Variants in INSL6 observed in about 807,000 individuals in gnomAD.
INSL6 encodes the protein insulin-like peptide INSL6.
In INSL6, 16 loss-of-function variants were observed where a neutral mutation model predicts 9.4. The ratio of observed to expected loss-of-function variants is 1.70; its 90% CI spans 1.15 to 2.59. The LOEUF (loss-of-function observed/expected upper bound fraction) is 2.59. Among genes scored for constraint, INSL6 ranks in the 30% most tolerant of loss-of-function variants. The pLI is 0.00. For missense variants in INSL6, 391 were observed against 257.3 expected (o/e 1.52, Z -3.56); for synonymous variants, 154 against 96.9 (o/e 1.59, Z -3.46).
At chr9:5,110,992 C>T in the INSL6 span, 2 of 664,730 alleles carry the variant, frequency 3.0e-6, no homozygotes, top group Non-Finnish European at 5.4e-6. Context: ...GATGTTCCCG[C>T]TGCCCGTTGC....
At chr9:5,097,381 G>GT in the INSL6 span, 1 of 152,082 alleles carries the variant, frequency 6.6e-6, no homozygotes, top group African/African-American at 2.4e-5. Flanking sequence ...TCACCCTGAA[G>GT]TTTATATCCT....
the INSL6 span, among the ~76,000 whole-genome samples, chr9:5,071,404 T>C: frequency 6.6e-6 from 1 of 152,028 alleles, no homozygotes; most frequent in African/African-American, 2.4e-5. Context: ...AAAATACATA[T>C]ACATGTTTAA....
chr9:5,041,890 G>GC, the INSL6 span: 1 of 419,970 alleles, frequency 2.4e-6, no homozygotes, highest in African/African-American at 2.1e-5. Context: ...GCCCATCAGG[G>GC]CGCCTGCAGA....
At chr9:5,184,175 G>A (rs1369629286) in intron 1 of INSL6, among the ~76,000 whole-genome samples, 1 of 152,152 alleles carries the variant, frequency 6.6e-6, no homozygotes, top group Non-Finnish European at 1.5e-5. Context: ...GCTAATGAGT[G>A]CCTACAATGT....
chr9:5,082,916 G>C, the INSL6 span, among the ~76,000 whole-genome samples: 3 of 152,246 alleles, frequency 2.0e-5, no homozygotes, highest in African/African-American at 7.2e-5. Flanking sequence ...AATTGTTCAG[G>C]GTACAGATCA....
chr9:5,108,727 T>C, the INSL6 span: 7 of 152,148 alleles, frequency 4.6e-5, no homozygotes, highest in South Asian at 1.5e-3. Context: ...CTATGAGGGA[T>C]AGTTATGACA....
intron 3 of INSL6, chr9:5,128,320 T>C (rs1199201983): frequency 1.3e-5 from 3 of 222,618 alleles, no homozygotes; most frequent in Non-Finnish European, 2.7e-5. Flanking sequence ...TTAATAGTTC[T>C]GGATGCAGAA....
chr9:5,006,264 C>T, the INSL6 span, among the ~76,000 whole-genome samples: 117 of 148,260 alleles, frequency 7.9e-4, no homozygotes, highest in Non-Finnish European at 1.3e-3. Flanking sequence ...CAATTGTGAA[C>T]GGGAGTTCAC....
chr9:5,129,823 C>G lies in INSL6; in HGVS notation c.*10+3602G>C, dbSNP rs76617747. Among the ~76,000 whole-genome samples, 352 of 152,228 alleles carry G rather than the reference C, an allele frequency of 2.3e-3. 3 individuals are homozygous for G. The highest frequency in any genetic ancestry group is 7.9e-3 in the African/African-American group (329 of 41,562). On this transcript the variant is annotated intron_variant, in intron 3 of 3. Coordinates refer to the INSL6 transcript ENST00000649639. ...AATTCATGTATGTATATCATATAGC[C>G]TTTAACTTTTTACATTAATCAGATT...
At chr9:5,044,573 G>A in the INSL6 span, 1 of 1,116,868 alleles carries the variant, frequency 9.0e-7, no homozygotes, top group Non-Finnish European at 1.3e-6. Context: ...ATATCTTGCT[G>A]TTTAATAAGT....
the INSL6 span, among the ~76,000 whole-genome samples, chr9:5,015,605 A>G: frequency 5.1e-4 from 77 of 151,538 alleles, no homozygotes; most frequent in Non-Finnish European, 8.8e-4. Flanking sequence ...CATGAGCACA[A>G]TCACTGCTCA....
chr9:5,107,363 A>G, the INSL6 span, among the ~76,000 whole-genome samples: 13 of 152,046 alleles, frequency 8.6e-5, no homozygotes, highest in Non-Finnish European at 1.3e-4. Flanking sequence ...ATAACCTCCA[A>G]CTGCCTCCCC....
At chr9:5,060,416 C>T in the INSL6 span, among the ~76,000 whole-genome samples, 1 of 152,198 alleles carries the variant, frequency 6.6e-6, no homozygotes, top group Non-Finnish European at 1.5e-5. Context: ...AGTCAGTCCT[C>T]TCAAACCCTG....
chr9:5,090,497 G>C, the INSL6 span: 2 of 1,588,626 alleles, frequency 1.3e-6, no homozygotes, highest in Non-Finnish European at 1.7e-6. Context: ...GGAAGTTTAC[G>C]AGACTATCTT....
downstream of INSL6, among the ~76,000 whole-genome samples, chr9:5,119,240 A>C (rs1247941766): frequency 1.3e-5 from 2 of 152,140 alleles, no homozygotes; most frequent in African/African-American, 4.8e-5. Flanking sequence ...AAGTCACTAA[A>C]TATATTAATA....
At chr9:4,994,768 C>T in the INSL6 span, among the ~76,000 whole-genome samples, 5 of 152,172 alleles carry the variant, frequency 3.3e-5, no homozygotes, top group African/African-American at 7.2e-5. Flanking sequence ...TTACTTGACT[C>T]CACATCTCTT....
chr9:5,054,533 G>A, the INSL6 span: 1 of 1,512,672 alleles, frequency 6.6e-7, no homozygotes, highest in South Asian at 1.3e-5. This position sits in a 1 kb window ranked among gnomAD's most constrained non-coding sequence, Gnocchi z 4.9. Context: ...GTTTTGTTTT[G>A]TTTTTCTGTA....
In INSL6 at chr9:5,183,037, CACA is replaced by C. The variant is rs1825493748; in HGVS notation, c.289+2274_289+2276del. ...ATTTCAGACAACTGACTTGATCTAA[CACA>C]ACAACTTGTCCTGCTGGTAAAAGTG... On this transcript the variant is annotated intron_variant, in intron 1 of 1. Coordinates refer to ENST00000381641, the MANE Select transcript of INSL6 (RefSeq NM_007179.3). Among the ~76,000 whole-genome samples, 3 of 152,124 alleles carry C rather than the reference CACA, an allele frequency of 2.0e-5. No individual in the cohort carries two copies. The South Asian group carries it at 6.2e-4, about 32-fold the overall frequency.
chr9:5,092,776 G>A, the INSL6 span, among the ~76,000 whole-genome samples: 1 of 152,142 alleles, frequency 6.6e-6, no homozygotes, highest in Non-Finnish European at 1.5e-5. Context: ...CATGAGTAGT[G>A]GTGATAAGCC....
Sources: allele counts gnomAD v4.1 joint callset (sites outside exome capture counted in the v4.1 genomes callset), GRCh38; gene constraint gnomAD v4.1.1; non-coding constraint Gnocchi (gnomAD v3.1); transcripts MANE v1.5; gene names NCBI Gene and HGNC (gene_info 2026-07-23, HGNC 2026-07-21).